Variants in WWP2 observed in about 807,000 individuals in gnomAD.
WWP2 encodes the protein WW domain containing E3 ubiquitin protein ligase 2.
WWP2 carries 57 observed loss-of-function variants against 121.0 expected under a neutral mutation model. The observed-to-expected ratio is 0.47, with a 90% confidence interval of 0.38 to 0.59. The LOEUF is 0.59. Ranked by LOEUF, WWP2 falls within the 20% of genes least tolerant of loss-of-function variation. WWP2 has a pLI of 0.00. For synonymous variants in WWP2, 449 were observed against 441.3 expected, an observed-to-expected ratio of 1.02 and a Z score of -0.22; for missense variants, 962 against 1,158.9, an observed-to-expected ratio of 0.83 and a Z score of 2.47.
intron 2 of WWP2, among the ~76,000 whole-genome samples, chr16:69,797,725 C>G (rs2056076662): frequency 6.6e-6 from 1 of 151,808 alleles, no homozygotes; most frequent in South Asian, 2.1e-4. Context: ...CCTGTCTCTA[C>G]TAAAAATACA....
In WWP2 at chr16:69,930,217, C is replaced by T. The variant is rs1308098947; in HGVS notation, c.1404C>T (p.Arg468=). The T allele has an allele frequency of 6.2e-7, 1 of 1,614,034 alleles. No homozygotes were observed. The highest frequency in any genetic ancestry group is 2.2e-5 in the East Asian group (1 of 44,854). ...GVRYFVDHNT[R]TTTFKDPRPG... ...GATACTTTGTGGACCACAATACCCG[C>T]ACCACCACCTTTAAGGATCCTCGCC... The change falls in exon 13 of 24, where the codon CGC becomes CGT. Residue 468 remains arginine, a synonymous_variant. Transcript: ENST00000359154.
In WWP2 at chr16:69,937,366, A is replaced by T; in HGVS notation, c.2238+128A>T. On this transcript the variant is annotated intron_variant, in intron 20 of 23. Coordinates refer to ENST00000359154, the MANE Select transcript of WWP2 (RefSeq NM_001270454.2). The surrounding 1 kb of genome is among the most constrained non-coding windows in gnomAD (Gnocchi z 6.6). ...CACTTCGGCAGGGCAGATGGGTTTG[A>T]TTTGGGACCCACCCTTCCCCAGACA... 1 of 1,482,750 alleles carries T rather than the reference A, an allele frequency of 6.7e-7. No homozygotes were observed. Among genetic ancestry groups the T allele is most frequent in the Non-Finnish European group, 9.1e-7 (1 of 1,103,340 alleles). The allele number at this position is 1,482,750 out of a possible 1,614,324, so 91.8% of individuals were successfully genotyped here.
rs2055465226 is a variant in WWP2 at position 69,773,628 on chromosome 16, G to A, written c.-16+11237G>A. 6.6e-5 allele frequency among the ~76,000 whole-genome samples: 10 copies of A among 151,984 alleles called. No homozygotes were observed. The South Asian group carries it at 2.1e-3, about 31-fold the overall frequency. On this transcript the variant is annotated intron_variant, in intron 1 of 23. Coordinates refer to ENST00000359154, the MANE Select transcript of WWP2 (RefSeq NM_001270454.2). Reference sequence around the variant, plus strand: ...CCTGAGTAGCTGGGACTACAGGCATGCACCACCATGTCTGACTAATTTTTT... The same window carrying A: ...CCTGAGTAGCTGGGACTACAGGCATACACCACCATGTCTGACTAATTTTTT...
rs79067135 is a variant in WWP2, at chr16:69,860,660, G to A, written c.576-11144G>A. ...GTCCATTGAACATATTCTTTTTGGA[G>A]CCTGCCTCCGTCCTGCTGAATTCCT... On this transcript the variant is annotated intron_variant, in intron 6 of 23. Transcript: ENST00000359154. 4.5e-3 allele frequency among the ~76,000 whole-genome samples: 689 copies of A among 152,156 alleles called. 18 individuals are homozygous for A. The East Asian group carries it at 0.081, about 18-fold the overall frequency.
intron 8 of WWP2, among the ~76,000 whole-genome samples, chr16:69,904,252 G>GCCCT (rs2058252630): frequency 6.6e-6 from 1 of 152,178 alleles, no homozygotes; most frequent in South Asian, 2.1e-4. Flanking sequence ...GTGCTAGAAG[G>GCCCT]CCCTGCCAAA....
chr16:69,836,403 C>A (rs2056877444), intron 4 of WWP2, among the ~76,000 whole-genome samples: 1 of 151,958 alleles, frequency 6.6e-6, no homozygotes. Context: ...CTCATGGTAT[C>A]ATTTAATGTT....
At position 69,888,180 on chromosome 16, in the gene WWP2, A is replaced by G. The variant is rs1274864425; in HGVS notation, c.845A>G (p.Glu282Gly). The change falls in exon 8 of 24, where the codon GAG becomes GGG. Residue 282 changes from glutamate (E) to glycine (G), a missense_variant. Transcript: ENST00000359154. ...GCCCCAGCCACACCGGCTGAAGGAG[A>G]GGAACCCAGCACTTCGGGTACACAG... ...LPAPATPAEG[E>G]EPSTSGTQQL... The G allele has an allele frequency of 6.2e-7, 1 of 1,614,212 alleles. No individual in the cohort carries two copies. Among genetic ancestry groups the G allele is most frequent in the Admixed American group, 1.7e-5 (1 of 60,022 alleles).
At chr16:69,886,201 T>C (rs1260177236) in intron 7 of WWP2, among the ~76,000 whole-genome samples, 1 of 152,132 alleles carries the variant, frequency 6.6e-6, no homozygotes, top group Non-Finnish European at 1.5e-5. Context: ...TCCCTCAGTC[T>C]CCTGAGTAGC....
chr16:69,798,210 T>C (rs1164674822), intron 2 of WWP2, among the ~76,000 whole-genome samples: 1 of 152,226 alleles, frequency 6.6e-6, no homozygotes, highest in Non-Finnish European at 1.5e-5. Context: ...TCGTATCCTT[T>C]GGAGGAATAC....
chr16:69,778,602 G>A (rs1009034581), intron 1 of WWP2, among the ~76,000 whole-genome samples: 5 of 150,364 alleles, frequency 3.3e-5, no homozygotes, highest in Non-Finnish European at 7.4e-5. Flanking sequence ...CTGAGAGGTC[G>A]AAAGTACTTT....
intron 16 of WWP2, 69 bp from the exon 17 acceptor site, chr16:69,933,900 GA>G: frequency 6.5e-7 from 1 of 1,540,392 alleles, no homozygotes; most frequent in South Asian, 1.2e-5. Flanking sequence ...ATGGTGAAGA[GA>G]CACAGCTCCT....
At chr16:69,866,490 C>G (rs1008509982) in intron 6 of WWP2, among the ~76,000 whole-genome samples, 12 of 151,988 alleles carry the variant, frequency 7.9e-5, no homozygotes, top group African/African-American at 2.9e-4. Context: ...TAGCTCCTTG[C>G]AACCATCATC....
At chr16:69,804,361 T>C (rs1567675415) in intron 4 of WWP2, among the ~76,000 whole-genome samples, 1 of 152,184 alleles carries the variant, frequency 6.6e-6, no homozygotes, top group Non-Finnish European at 1.5e-5. Context: ...CCACATGAGT[T>C]TATTTTTGTG....
intron 2 of WWP2, among the ~76,000 whole-genome samples, chr16:69,795,259 T>TACACACACAC (rs10578834): frequency 2.3e-4 from 21 of 93,092 alleles, no homozygotes; most frequent in South Asian, 6.4e-4. Flanking sequence ...AAAATGCGGA[T>TACACACACAC]ACACACACAC....
At chr16:69,929,368 C>G in intron 11 of WWP2, 80 bp from the exon 12 acceptor site, 1 of 1,355,008 alleles carries the variant, frequency 7.4e-7, no homozygotes, top group Non-Finnish European at 1.0e-6. Context: ...ACCCAGCACC[C>G]AGGAGGTGGG....
rs777602489 is a variant in WWP2, at chr16:69,931,594, G to A, written c.1593+14G>A. 1.2e-6 allele frequency: 2 copies of A among 1,613,784 alleles called. No individual in the cohort carries two copies. Among genetic ancestry groups the A allele is most frequent in the Non-Finnish European group, 1.7e-6 (2 of 1,179,964 alleles). On this transcript the variant is annotated intron_variant, in intron 15 of 23. Coordinates refer to ENST00000359154, the MANE Select transcript of WWP2 (RefSeq NM_001270454.2). ...TCCTTCCAACAGGTTAGATCATGGT[G>A]CCCGAAACCAGTGGCAGGCCGACGC...
chr16:69,936,887 C>T, intron 19 of WWP2: 1 of 547,184 alleles, frequency 1.8e-6, no homozygotes. Flanking sequence ...GCGCTGGGGG[C>T]AGGAGCAGGA....
intron 6 of WWP2, among the ~76,000 whole-genome samples, chr16:69,858,197 C>T (rs1395283091): frequency 6.6e-6 from 1 of 151,888 alleles, no homozygotes; most frequent in Non-Finnish European, 1.5e-5. Context: ...TGGAGACTTC[C>T]GAGGAGTTAT....
chr16:69,866,087 G>GT (rs1378934411), intron 6 of WWP2, among the ~76,000 whole-genome samples: 2 of 152,088 alleles, frequency 1.3e-5, no homozygotes, highest in African/African-American at 4.8e-5. Context: ...GGTTTTTAAG[G>GT]TTTCTCTGGC....
Sources: allele counts gnomAD v4.1 joint callset (sites outside exome capture counted in the v4.1 genomes callset), GRCh38; gene constraint gnomAD v4.1.1; non-coding constraint Gnocchi (gnomAD v3.1); transcripts MANE v1.5; gene names NCBI Gene and HGNC (gene_info 2026-07-23, HGNC 2026-07-21).